The following PTPRK variants were observed in gnomAD, a reference collection of about 807,000 sequenced individuals.
The protein encoded by PTPRK is protein tyrosine phosphatase receptor type K, also known as receptor-type tyrosine-protein phosphatase kappa.
Under a neutral mutation model 178.0 loss-of-function variants are expected in PTPRK, and 75 were observed. That is an observed-to-expected ratio of 0.42 (90% CI 0.35 to 0.51). The LOEUF is 0.51. PTPRK is among the 20% of genes least tolerant of loss of function. The probability of loss-of-function intolerance (pLI) is 0.02; values close to 1 mark genes in which losing one functional copy is unlikely to be tolerated. For synonymous variants in PTPRK, 637 were observed against 620.6 expected (o/e 1.03, Z -0.39); for missense variants, 1,441 against 1,797.8 (o/e 0.80, Z 3.59).
chr6:128,441,837 G>A (rs1416756279), intron 1 of PTPRK, among the ~76,000 whole-genome samples: 1 of 152,156 alleles, frequency 6.6e-6, no homozygotes, highest in Admixed American at 6.6e-5. Flanking sequence ...AAGCACAAAT[G>A]GTCTGTACTA....
chr6:128,454,102 T>G (rs768096357), intron 1 of PTPRK, among the ~76,000 whole-genome samples: 3 of 152,168 alleles, frequency 2.0e-5, no homozygotes, highest in Non-Finnish European at 2.9e-5. Flanking sequence ...CCTTTAGTTT[T>G]AAGAGACCTC....
chr6:128,420,284 C>T (rs752909803), intron 1 of PTPRK, among the ~76,000 whole-genome samples: 16 of 152,022 alleles, frequency 1.1e-4, no homozygotes, highest in Non-Finnish European at 2.1e-4. Context: ...TGGAATGATC[C>T]TTTTTTCTAT....
intron 7 of PTPRK, among the ~76,000 whole-genome samples, chr6:128,115,852 C>T (rs910515851): frequency 1.1e-4 from 17 of 151,926 alleles, no homozygotes; most frequent in Admixed American, 5.9e-4. Flanking sequence ...TTAAATACAT[C>T]CTTCTTTTAC....
chr6:128,043,043 T>A (rs528765028), intron 13 of PTPRK, among the ~76,000 whole-genome samples: 1 of 152,154 alleles, frequency 6.6e-6, no homozygotes, highest in South Asian at 2.1e-4. Context: ...ACTTTACTGT[T>A]GATATTATTT....
chr6:128,311,248 C>T (rs1479519250), intron 3 of PTPRK, among the ~76,000 whole-genome samples: 1 of 152,144 alleles, frequency 6.6e-6, no homozygotes, highest in Non-Finnish European at 1.5e-5. Flanking sequence ...AGGTCTAGTT[C>T]AGACCGATGG....
In PTPRK at chr6:127,991,275, T is replaced by A. The variant is rs760124307; in HGVS notation, c.2979+19A>T. On this transcript the variant is annotated intron_variant, in intron 20 of 29. Coordinates refer to ENST00000368226, the MANE Select transcript of PTPRK (RefSeq NM_002844.4). ...TATGTTCATTTTTATGACAAAAAAA[T>A]TCTTTTTCTTCCTCTTACCCGGCCA... 2 of 1,561,084 alleles carry A rather than the reference T, an allele frequency of 1.3e-6. No homozygotes were observed. The highest frequency in any genetic ancestry group is 1.8e-5 in the Admixed American group (1 of 54,252).
chr6:128,365,403 G>C (rs1202305037), intron 2 of PTPRK, among the ~76,000 whole-genome samples: 1 of 152,090 alleles, frequency 6.6e-6, no homozygotes, highest in Non-Finnish European at 1.5e-5. Context: ...AGAGATAAGA[G>C]AAAGAAAGGC....
At chr6:128,192,120 C>A (rs559143022) in intron 6 of PTPRK, among the ~76,000 whole-genome samples, 27 of 152,182 alleles carry the variant, frequency 1.8e-4, no homozygotes, top group Non-Finnish European at 2.9e-4. Flanking sequence ...TCAGTCTTTG[C>A]TTAAAAGTAA....
At chr6:128,135,344 A>G (rs183383518) in intron 7 of PTPRK, among the ~76,000 whole-genome samples, 52 of 151,036 alleles carry the variant, frequency 3.4e-4, no homozygotes, top group Admixed American at 1.3e-3. Flanking sequence ...TGGACCCAAG[A>G]GCAGTGGTGC....
chr6:128,084,124 G>A (rs1223824339), intron 8 of PTPRK, among the ~76,000 whole-genome samples: 1 of 152,036 alleles, frequency 6.6e-6, no homozygotes, highest in African/African-American at 2.4e-5. Flanking sequence ...AGTTTCCTCT[G>A]TTGTATACCT....
chr6:128,187,017 C>T lies in PTPRK; in HGVS notation c.869-2292G>A, dbSNP rs138903137. On this transcript the variant is annotated intron_variant, in intron 6 of 29. Transcript: ENST00000368226. ...GCTAAATTCACATCTCGCTGGGGTG[C>T]TACCCCAGTGTAGGGATAGAATAAA... Among the ~76,000 whole-genome samples, 83 of 152,146 alleles carry T rather than the reference C, an allele frequency of 5.5e-4. 1 individual carries two copies. The highest frequency in any genetic ancestry group is 1.9e-3 in the African/African-American group (81 of 41,540).
intron 3 of PTPRK, among the ~76,000 whole-genome samples, chr6:128,263,351 G>A (rs976288221): frequency 6.6e-6 from 1 of 152,156 alleles, no homozygotes; most frequent in African/African-American, 2.4e-5. Flanking sequence ...GAGCCCAGTA[G>A]TCTGCTGGTA....
rs1486951963 is a variant in PTPRK, at chr6:128,377,028, C to T, written c.223+20538G>A. 2.0e-5 allele frequency among the ~76,000 whole-genome samples: 3 copies of T among 152,244 alleles called. No individual in the cohort carries two copies. In the East Asian group the frequency reaches 5.8e-4, roughly 29 times the overall value. The stretch of plus-strand genomic sequence containing the variant: ...GTCTCTAGGGAGTTCCACACTTTCC[C>T]ATATTTTCCTGTCTTCTTCTGATCC... On this transcript the variant is annotated intron_variant, in intron 2 of 29. Transcript: ENST00000368226.
At position 128,067,426 on chromosome 6, in the gene PTPRK, T is replaced by TC. The variant is rs1781996852; in HGVS notation, c.2157+92_2157+93insG. 1.7e-5 allele frequency: 22 copies of TC among 1,330,270 alleles called. No homozygotes were observed. The East Asian group carries it at 5.2e-4, about 32-fold the overall frequency. 82.4% of individuals were successfully genotyped at this position (1,330,270 alleles called of 1,614,324 possible). On this transcript the variant is annotated intron_variant, in intron 12 of 29. Transcript: ENST00000368226. Reference sequence around the variant, plus strand: ...TACATGCAAATTTTCTTTTTCTTTTTTTTTTTCTTGACGGATGCTACTGAG... The same window carrying TC: ...TACATGCAAATTTTCTTTTTCTTTTTCTTTTTTCTTGACGGATGCTACTGAG...
At chr6:128,416,586 T>G (rs1414318498) in intron 1 of PTPRK, among the ~76,000 whole-genome samples, 1 of 149,866 alleles carries the variant, frequency 6.7e-6, no homozygotes, top group Non-Finnish European at 1.5e-5. Context: ...AGTCAGAGCT[T>G]GCAGTGAGCC....
chr6:128,471,055 C>T (rs1306888779), intron 1 of PTPRK, among the ~76,000 whole-genome samples: 1 of 151,722 alleles, frequency 6.6e-6, no homozygotes, highest in African/African-American at 2.4e-5. Context: ...ATGATAATGC[C>T]TTCAATAAAT....
intron 1 of PTPRK, among the ~76,000 whole-genome samples, chr6:128,454,711 G>C (rs906922247): frequency 1.3e-5 from 2 of 152,046 alleles, no homozygotes; most frequent in African/African-American, 4.8e-5. Flanking sequence ...TCTCAGCACT[G>C]TTCTTTTGTG....
At chr6:128,288,052 A>T (rs1822796035) in intron 3 of PTPRK, among the ~76,000 whole-genome samples, 1 of 152,022 alleles carries the variant, frequency 6.6e-6, no homozygotes, top group Non-Finnish European at 1.5e-5. Context: ...TCTCTACTGG[A>T]GGCTTTCTCA....
chr6:128,475,612 C>T (rs1360141803), intron 1 of PTPRK, among the ~76,000 whole-genome samples: 1 of 151,994 alleles, frequency 6.6e-6, no homozygotes, highest in Non-Finnish European at 1.5e-5. Context: ...TGGCAAGTTT[C>T]AAGTTTAGGT....
Sources: allele counts gnomAD v4.1 joint callset (sites outside exome capture counted in the v4.1 genomes callset), GRCh38; gene constraint gnomAD v4.1.1; transcripts MANE v1.5; gene names NCBI Gene and HGNC (gene_info 2026-07-23, HGNC 2026-07-21).